Variants in PLAGL1 observed in about 807,000 individuals in gnomAD.
The protein encoded by PLAGL1 is zinc finger protein PLAGL1.
In PLAGL1, 1 loss-of-function variant was observed where a neutral mutation model predicts 4.6. The ratio of observed to expected loss-of-function variants is 0.22; its 90% CI spans 0.08 to 1.03. The LOEUF is 1.03. PLAGL1 is among the 50% of genes least tolerant of loss of function. PLAGL1 has a pLI of 0.58. For synonymous variants in PLAGL1, 240 were observed against 237.8 expected (o/e 1.01, Z -0.08); for missense variants, 464 against 570.4 (o/e 0.81, Z 1.90).
chr6:143,940,602 T>G lies in PLAGL1; in HGVS notation c.*822A>C, dbSNP rs1184049530. ...GAGCAAAGAAAATTCTTGTTTAATA[T>G]ATATATATTTTTAATTCCAGTAATA... On this transcript the variant is annotated 3_prime_UTR_variant, in exon 8 of 8. Coordinates refer to ENST00000674357, the MANE Select transcript of PLAGL1 (RefSeq NM_001317162.2). The G allele has an allele frequency of 6.6e-6, 1 of 152,428 alleles. No homozygotes were observed. The highest frequency in any genetic ancestry group is 1.5e-5 in the Non-Finnish European group (1 of 68,034). 9.4% of individuals were successfully genotyped at this position (152,428 alleles called of 1,614,324 possible). A position where few individuals can be genotyped will look rare whatever the true frequency, so the allele number is the denominator to read the frequency against.
intron 1 of PLAGL1, among the ~76,000 whole-genome samples, chr6:144,023,857 AC>A (rs1796149662): frequency 1.4e-5 from 2 of 141,948 alleles, no homozygotes; most frequent in African/African-American, 5.4e-5. Context: ...GCTTACTGCA[AC>A]CTCCGCCTCC....
At position 143,971,728 on chromosome 6, in the gene PLAGL1, T is replaced by C. The variant is rs554847778; in HGVS notation, c.-543-2750A>G. 1.3e-5 allele frequency among the ~76,000 whole-genome samples: 2 copies of C among 152,338 alleles called. No homozygotes were observed. The highest frequency in any genetic ancestry group is 3.9e-4 in the East Asian group (2 of 5,186). On this transcript the variant is annotated intron_variant, in intron 2 of 7. Transcript: ENST00000674357. The surrounding 1 kb of genome is among the most constrained non-coding windows in gnomAD (Gnocchi z 4.7). The stretch of plus-strand genomic sequence containing the variant: ...GTAGTAAATCTGGTTAAAGAAATTG[T>C]CAAGGGAGGTTTTGACTTTTGCTAT...
At position 143,964,840 on chromosome 6, in the gene PLAGL1, A is replaced by C. The variant is rs999965697; in HGVS notation, c.-430-22T>G. 6.6e-6 allele frequency: 1 copy of C among 152,202 alleles called. No individual in the cohort carries two copies. Among genetic ancestry groups the C allele is most frequent in the Non-Finnish European group, 1.5e-5 (1 of 68,052 alleles). 9.4% of individuals were successfully genotyped at this position (152,202 alleles called of 1,614,324 possible). A position where few individuals can be genotyped will look rare whatever the true frequency, so the allele number is the denominator to read the frequency against. ...ATACCTAGAAAGGGAGAGACACACA[A>C]AGTTATCTTTAAGGTCTTTATCTTG... On this transcript the variant is annotated intron_variant, in intron 4 of 7. Transcript: ENST00000674357. This position sits in a 1 kb window ranked among gnomAD's most constrained non-coding sequence, Gnocchi z 4.3.
intron 1 of PLAGL1, among the ~76,000 whole-genome samples, chr6:144,025,594 A>T (rs1403697108): frequency 6.6e-6 from 1 of 152,180 alleles, no homozygotes; most frequent in Non-Finnish European, 1.5e-5. Flanking sequence ...CTATATTTTT[A>T]AAAAACACCT....
rs939174058 is a variant in PLAGL1 at position 144,053,615 on chromosome 6, G to C, written c.-151+10853C>G. Among the ~76,000 whole-genome samples, 2 of 152,074 alleles carry C rather than the reference G, an allele frequency of 1.3e-5. No homozygotes were observed. Among genetic ancestry groups the C allele is most frequent in the Non-Finnish European group, 2.9e-5 (2 of 67,998 alleles). The stretch of plus-strand genomic sequence containing the variant: ...CAGTACAGACAATAAGTCCCTACAG[G>C]ACTTATTTGGATAAAAAGGAAAATA... On this transcript the variant is annotated intron_variant, in intron 1 of 3. Coordinates refer to the PLAGL1 transcript ENST00000437412. The surrounding 1 kb of genome is among the most constrained non-coding windows in gnomAD (Gnocchi z 4.0).
At position 144,004,665 on chromosome 6, in the gene PLAGL1, A is replaced by G. The variant is rs1390818270; in HGVS notation, c.-584+3425T>C. Among the ~76,000 whole-genome samples the G allele has an allele frequency of 6.6e-6, 1 of 152,226 alleles. No individual in the cohort carries two copies. The highest frequency in any genetic ancestry group is 2.1e-4 in the South Asian group (1 of 4,836). On this transcript the variant is annotated intron_variant, in intron 1 of 7. Coordinates refer to ENST00000674357, the MANE Select transcript of PLAGL1 (RefSeq NM_001317162.2). The surrounding 1 kb of genome is among the most constrained non-coding windows in gnomAD (Gnocchi z 4.2). ...ATCTGGGTAGTAATCACAAAGGTAT[A>G]CACATATGTAAATTTCACCAAGCTA...
At chr6:144,052,647 T>C (rs1223970089) in intron 1 of PLAGL1, among the ~76,000 whole-genome samples, 2 of 152,180 alleles carry the variant, frequency 1.3e-5, no homozygotes, top group African/African-American at 4.8e-5. Context: ...AAATTCAGTC[T>C]GAAATAATTG....
chr6:144,052,965 A>G (rs1798686080), intron 1 of PLAGL1, among the ~76,000 whole-genome samples: 1 of 152,240 alleles, frequency 6.6e-6, no homozygotes, highest in Non-Finnish European at 1.5e-5. Context: ...TGAACTGAGA[A>G]GACTGAAGGG....
rs1476399113 is a variant in PLAGL1 at position 144,032,800 on chromosome 6, T to G, written c.-151+31668A>C. ...TGGTCAAACTCCTGACCTCAAGTGA[T>G]CCAGTGTGCTGGGATTACAGGCATG... is the stretch of plus-strand genomic sequence containing the variant. On this transcript the variant is annotated intron_variant, in intron 1 of 3. Coordinates refer to the PLAGL1 transcript ENST00000437412. Among the ~76,000 whole-genome samples, 8 of 151,960 alleles carry G rather than the reference T, an allele frequency of 5.3e-5. No homozygotes were observed. In the East Asian group the frequency reaches 1.4e-3, roughly 26 times the overall value.
chr6:144,026,911 C>A (rs1001561005), intron 1 of PLAGL1, among the ~76,000 whole-genome samples: 7 of 152,000 alleles, frequency 4.6e-5, no homozygotes, highest in Non-Finnish European at 8.8e-5. Flanking sequence ...TCAATAAAAC[C>A]TAGTATTAGC....
At chr6:143,980,387 AGTTT>A (rs1460663611) in intron 2 of PLAGL1, among the ~76,000 whole-genome samples, 2 of 97,828 alleles carry the variant, frequency 2.0e-5, no homozygotes, top group African/African-American at 3.8e-5. Flanking sequence ...ACTTTTTTCT[AGTTT>A]TTTTTTTTTT....
chr6:144,024,674 G>C (rs764363789), intron 1 of PLAGL1, among the ~76,000 whole-genome samples: 1 of 152,092 alleles, frequency 6.6e-6, no homozygotes, highest in Non-Finnish European at 1.5e-5. Context: ...ATACACTTGA[G>C]CATCCTGAAT....
rs1783571933 is a variant in PLAGL1 at position 143,962,413 on chromosome 6, G to A, written c.-398-1871C>T. Among the ~76,000 whole-genome samples, 1 of 152,130 alleles carries A rather than the reference G, an allele frequency of 6.6e-6. No individual in the cohort carries two copies. Reference sequence around the variant, plus strand: ...AACAATCCTAAAGATAAATGTTTCCGAGTTCCAGAGTAACAAGAAGAATCA... The same window carrying A: ...AACAATCCTAAAGATAAATGTTTCCAAGTTCCAGAGTAACAAGAAGAATCA... On this transcript the variant is annotated intron_variant, in intron 5 of 7. Transcript: ENST00000674357. This position sits in a 1 kb window ranked among gnomAD's most constrained non-coding sequence, Gnocchi z 5.3.
rs182796947 is a variant in PLAGL1 at position 143,994,209 on chromosome 6, A to G, written c.-583-9035T>C. On this transcript the variant is annotated intron_variant, in intron 1 of 7. Coordinates refer to ENST00000674357, the MANE Select transcript of PLAGL1 (RefSeq NM_001317162.2). The surrounding 1 kb of genome is among the most constrained non-coding windows in gnomAD (Gnocchi z 4.3). Reference sequence around the variant, plus strand: ...TCCCTAAAGTATACTCGTGAAATTTATAACTTACAATGTGGGAAATACTAG... The same window carrying G: ...TCCCTAAAGTATACTCGTGAAATTTGTAACTTACAATGTGGGAAATACTAG... Among the ~76,000 whole-genome samples the G allele has an allele frequency of 2.0e-5, 3 of 152,210 alleles. No homozygotes were observed. The highest frequency in any genetic ancestry group is 7.2e-5 in the African/African-American group (3 of 41,456).
In PLAGL1 at chr6:143,952,983, C is replaced by T. The variant is rs1348777962; in HGVS notation, c.-324-4523G>A. ...TAGTCATGGCTGCCATGGCTGCAGA[C>T]CTCACTCCCATCATGGCCGGAAGGC... On this transcript the variant is annotated intron_variant, in intron 6 of 7. Coordinates refer to ENST00000674357, the MANE Select transcript of PLAGL1 (RefSeq NM_001317162.2). This position sits in a 1 kb window ranked among gnomAD's most constrained non-coding sequence, Gnocchi z 6.1. Among the ~76,000 whole-genome samples, 1 of 152,220 alleles carries T rather than the reference C, an allele frequency of 6.6e-6. No individual in the cohort carries two copies.
intron 1 of PLAGL1, among the ~76,000 whole-genome samples, chr6:144,014,957 A>G (rs1321060904): frequency 6.6e-6 from 1 of 152,218 alleles, no homozygotes; most frequent in Non-Finnish European, 1.5e-5. Context: ...CTGGTTATCT[A>G]TATAGAGAAA....
In PLAGL1 at chr6:143,966,220, A is replaced by T. The variant is rs1043214122; in HGVS notation, c.-471-22T>A. 1 of 152,212 alleles carries T rather than the reference A, an allele frequency of 6.6e-6. No individual in the cohort carries two copies. The highest frequency in any genetic ancestry group is 1.5e-5 in the Non-Finnish European group (1 of 68,048). The allele number at this position is 152,212 out of a possible 1,614,324, so 9.4% of individuals were successfully genotyped here. ...TCGACTGCAACGAAAAGTCTTGTCT[A>T]ATCAGAACCACTGAAAGTTGTTAAT... is the stretch of plus-strand genomic sequence containing the variant. On this transcript the variant is annotated intron_variant, in intron 3 of 7. Coordinates refer to ENST00000674357, the MANE Select transcript of PLAGL1 (RefSeq NM_001317162.2). This position sits in a 1 kb window ranked among gnomAD's most constrained non-coding sequence, Gnocchi z 6.0.
Position 143,997,608 on chromosome 6 carries a change from G to A in PLAGL1, c.-584+10482C>T, listed in dbSNP as rs1791931676. ...TGGGAGGATCGCTTGAGCCTGGGAG[G>A]TTGAGGCTGCTGTGAACTGTCATCC... On this transcript the variant is annotated intron_variant, in intron 1 of 7. Transcript: ENST00000674357. This position sits in a 1 kb window ranked among gnomAD's most constrained non-coding sequence, Gnocchi z 4.6. Among the ~76,000 whole-genome samples the A allele has an allele frequency of 1.3e-5, 2 of 152,140 alleles. No individual in the cohort carries two copies. The highest frequency in any genetic ancestry group is 2.9e-5 in the Non-Finnish European group (2 of 68,024).
At chr6:144,057,540 C>T (rs1490219113) in intron 1 of PLAGL1, among the ~76,000 whole-genome samples, 1 of 152,206 alleles carries the variant, frequency 6.6e-6, no homozygotes, top group Non-Finnish European at 1.5e-5. Context: ...CGTACCCTTC[C>T]CTGCACTGGT....
Sources: gnomAD v4.1 joint callset for allele counts (sites outside exome capture counted in the v4.1 genomes callset) on GRCh38, gnomAD v4.1.1 for gene constraint, Gnocchi (gnomAD v3.1) non-coding constraint, MANE v1.5 for transcripts, NCBI Gene and HGNC (gene_info 2026-07-23, HGNC 2026-07-21) for gene names.